HECW1: variants seen among roughly 807,000 people sequenced by gnomAD.
HECW1 encodes E3 ubiquitin-protein ligase HECW1.
HECW1 carries 61 observed loss-of-function variants against 182.3 expected under a neutral mutation model. The observed-to-expected ratio is 0.33, with a 90% CI of 0.27 to 0.41. The LOEUF is 0.41. Among genes scored for constraint, HECW1 ranks in the 10% least tolerant of loss-of-function variants. The pLI is 1.00. For synonymous variants in HECW1, 859 were observed against 832.6 expected (o/e 1.03, Z -0.55); for missense variants, 1,739 against 2,108.9 (o/e 0.82, Z 3.44).
At chr7:43,198,188 G>A (rs1433655611) in intron 2 of HECW1, among the ~76,000 whole-genome samples, 3 of 120,876 alleles carry the variant, frequency 2.5e-5, no homozygotes, top group Admixed American at 8.5e-5. Flanking sequence ...CACACACACA[G>A]CACACACATT....
chr7:43,276,468 G>T (rs1363697680), intron 3 of HECW1, among the ~76,000 whole-genome samples: 5 of 151,874 alleles, frequency 3.3e-5, no homozygotes, highest in Non-Finnish European at 2.9e-5. Flanking sequence ...TAGGTAATAA[G>T]ATACTGGTCA....
At chr7:43,271,400 G>A (rs1008631639) in intron 3 of HECW1, among the ~76,000 whole-genome samples, 3 of 152,092 alleles carry the variant, frequency 2.0e-5, no homozygotes, top group African/African-American at 7.2e-5. Context: ...CATCCAAACA[G>A]GAAAAGAAGA....
intron 6 of HECW1, among the ~76,000 whole-genome samples, chr7:43,376,551 C>T (rs1386974322): frequency 1.3e-5 from 2 of 152,100 alleles, no homozygotes; most frequent in Non-Finnish European, 2.9e-5. Flanking sequence ...TTTGTATTAA[C>T]ATTTCACTGA....
intron 3 of HECW1, among the ~76,000 whole-genome samples, chr7:43,291,466 T>G (rs1805392421): frequency 6.6e-6 from 1 of 152,250 alleles, no homozygotes; most frequent in Non-Finnish European, 1.5e-5. Context: ...CCTGTGAGCA[T>G]GTCCTGCACA....
intron 5 of HECW1, among the ~76,000 whole-genome samples, chr7:43,349,490 T>C (rs551022568): frequency 2.1e-4 from 32 of 152,344 alleles, no homozygotes; most frequent in African/African-American, 7.7e-4. Context: ...TTGCTGTCTA[T>C]ATCATTTCTT....
At chr7:43,448,116 C>A (rs1260142023) in intron 11 of HECW1, among the ~76,000 whole-genome samples, 2 of 151,610 alleles carry the variant, frequency 1.3e-5, no homozygotes, top group African/African-American at 2.4e-5. Context: ...AACTGGGCAA[C>A]AAGAGCAGAA....
intron 3 of HECW1, among the ~76,000 whole-genome samples, chr7:43,261,395 T>C (rs897998639): frequency 7.2e-5 from 11 of 152,202 alleles, no homozygotes; most frequent in African/African-American, 2.4e-4. Flanking sequence ...ATGACTTCCA[T>C]GTCTTCCTCG....
At chr7:43,509,202 C>A in intron 24 of HECW1, 81 bp downstream of exon 24, 1 of 1,444,170 alleles carries the variant, frequency 6.9e-7, no homozygotes, top group Non-Finnish European at 9.6e-7. Flanking sequence ...TTCTCAAAGG[C>A]CACTGTGTTT....
At chr7:43,454,870 T>C (rs762908581) in intron 12 of HECW1, among the ~76,000 whole-genome samples, 9 of 152,262 alleles carry the variant, frequency 5.9e-5, no homozygotes, top group Non-Finnish European at 1.3e-4. Context: ...TTCCTCCTTT[T>C]GCAGTCACTT....
chr7:43,503,873 G>T (rs1585113404), intron 21 of HECW1, among the ~76,000 whole-genome samples: 1 of 152,244 alleles, frequency 6.6e-6, no homozygotes, highest in Non-Finnish European at 1.5e-5. Flanking sequence ...GTGCTGGACA[G>T]AAAATTATAC....
chr7:43,479,387 G>GT (rs528852700), intron 16 of HECW1, among the ~76,000 whole-genome samples: 61 of 152,270 alleles, frequency 4.0e-4, no homozygotes, highest in African/African-American at 1.4e-3. Flanking sequence ...AGCTCAAGTG[G>GT]TAATGCTCAC....
intron 6 of HECW1, among the ~76,000 whole-genome samples, chr7:43,375,890 C>CAAA (rs71011911): frequency 1.5e-4 from 15 of 102,830 alleles, no homozygotes; most frequent in African/African-American, 1.8e-4. Context: ...AGACCCTTCT[C>CAAA]AAAAAAAAAA....
chr7:43,410,070 G>A (rs886188623), intron 8 of HECW1, among the ~76,000 whole-genome samples: 3 of 152,192 alleles, frequency 2.0e-5, no homozygotes, highest in Admixed American at 2.0e-4. Flanking sequence ...ACCATCCTTA[G>A]CAGATGGCCT....
intron 2 of HECW1, among the ~76,000 whole-genome samples, chr7:43,193,937 A>G (rs1193241421): frequency 6.6e-6 from 1 of 152,226 alleles, no homozygotes; most frequent in Non-Finnish European, 1.5e-5. Flanking sequence ...GGGCCATTTC[A>G]AAATATGTCA....
At chr7:43,305,477 C>A (rs1807426539) in intron 3 of HECW1, among the ~76,000 whole-genome samples, 1 of 152,154 alleles carries the variant, frequency 6.6e-6, no homozygotes, top group Admixed American at 6.5e-5. Flanking sequence ...CGCCCATAAA[C>A]AGGCTCAAAT....
intron 3 of HECW1, among the ~76,000 whole-genome samples, chr7:43,272,150 A>G (rs956071502): frequency 1.3e-5 from 2 of 152,098 alleles, no homozygotes; most frequent in Non-Finnish European, 2.9e-5. Flanking sequence ...AAGCAGAAGA[A>G]TGAAACTGAA....
At chr7:43,449,688 A>T (rs1022261107) in intron 11 of HECW1, among the ~76,000 whole-genome samples, 1 of 152,238 alleles carries the variant, frequency 6.6e-6, no homozygotes, top group Non-Finnish European at 1.5e-5. Flanking sequence ...TGCTATTTGC[A>T]TCAGCAGAGG....
intron 7 of HECW1, among the ~76,000 whole-genome samples, chr7:43,401,653 C>T (rs185611352): frequency 6.8e-6 from 1 of 146,024 alleles, no homozygotes; most frequent in East Asian, 2.0e-4. Context: ...GAACAATCCT[C>T]ATGCTAATCT....
intron 2 of HECW1, among the ~76,000 whole-genome samples, chr7:43,204,539 A>G (rs943249063): frequency 6.6e-6 from 1 of 152,348 alleles, no homozygotes; most frequent in Non-Finnish European, 1.5e-5. Context: ...CAAGACAGGC[A>G]TGGCCATGCC....
Sources: gnomAD v4.1 joint callset for allele counts (sites outside exome capture counted in the v4.1 genomes callset) on GRCh38, gnomAD v4.1.1 for gene constraint, MANE v1.5 for transcripts, NCBI Gene and HGNC (gene_info 2026-07-23, HGNC 2026-07-21) for gene names.